The following NELFA variants were observed in gnomAD, a reference collection of about 807,000 sequenced individuals.
NELFA encodes the protein negative elongation factor complex member A.
NELFA carries 35 observed loss-of-function variants against 51.8 expected under a neutral mutation model. That is an observed-to-expected ratio of 0.68 (90% CI 0.52 to 0.90). The LOEUF is 0.90. Ranked by LOEUF, NELFA falls within the 40% of genes least tolerant of loss-of-function variation. NELFA has a pLI of 0.00. For missense variants in NELFA, 658 were observed against 746.4 expected (o/e 0.88, Z 1.38); for synonymous variants, 417 against 338.4 (o/e 1.23, Z -2.55).
chr4:1,990,358 C>T, intron 2 of NELFA: 1 of 456,920 alleles, frequency 2.2e-6, no homozygotes, highest in Non-Finnish European at 4.4e-6. Context: ...CGGTTCAGAT[C>T]CCAGAAACTG....
chr4:1,985,763 C>A lies in NELFA; in HGVS notation c.924+13G>T. On this transcript the variant is annotated intron_variant, in intron 7 of 10. Transcript: ENST00000382882. ...CAGTGGTGCCAGACATGGGGTGCAG[C>A]CCCGAGCCCTACCTGCGTGGACACC... The A allele has an allele frequency of 6.2e-7, 1 of 1,611,250 alleles. No individual in the cohort carries two copies. The highest frequency in any genetic ancestry group is 1.1e-5 in the South Asian group (1 of 90,932).
chr4:2,005,162 C>G (rs997618827), intron 1 of NELFA, among the ~76,000 whole-genome samples: 3 of 151,784 alleles, frequency 2.0e-5, no homozygotes, highest in African/African-American at 7.3e-5. Flanking sequence ...TACAAGTCTT[C>G]TAAGAAGAGA....
At chr4:2,005,738 T>C (rs559171919) in intron 1 of NELFA, among the ~76,000 whole-genome samples, 1 of 152,070 alleles carries the variant, frequency 6.6e-6, no homozygotes, top group Non-Finnish European at 1.5e-5. Context: ...AATCAACGCA[T>C]TTCTATATAC....
intron 1 of NELFA, chr4:1,991,976 A>T (rs899912545): frequency 2.3e-6 from 1 of 430,362 alleles, no homozygotes; most frequent in Non-Finnish European, 4.1e-6. Context: ...TCCCAGCAGC[A>T]CCCAGTCCAC....
At chr4:1,993,323 T>C (rs990866054) in intron 1 of NELFA, among the ~76,000 whole-genome samples, 2 of 152,182 alleles carry the variant, frequency 1.3e-5, no homozygotes, top group East Asian at 3.9e-4. Flanking sequence ...AGCTCATGTC[T>C]GTAGACCCCG....
chr4:1,986,993 G>C (rs370632670), intron 4 of NELFA, among the ~76,000 whole-genome samples: 4 of 152,264 alleles, frequency 2.6e-5, no homozygotes, highest in Admixed American at 1.3e-4. Context: ...GATGCCTGGT[G>C]GGGGTGGAAA....
chr4:2,008,531 G>A (rs1728774193), intron 1 of NELFA, among the ~76,000 whole-genome samples: 1 of 148,094 alleles, frequency 6.8e-6, no homozygotes, highest in South Asian at 2.2e-4. Flanking sequence ...TGGGAGATGA[G>A]GATCGAGGCG....
chr4:1,994,792 T>C (rs1363426909), intron 1 of NELFA, among the ~76,000 whole-genome samples: 1 of 151,012 alleles, frequency 6.6e-6, no homozygotes, highest in Non-Finnish European at 1.5e-5. Flanking sequence ...GAGGTGGAGC[T>C]TGCAGTGAGC....
intron 1 of NELFA, among the ~76,000 whole-genome samples, chr4:2,001,226 A>G (rs1039988133): frequency 1.3e-5 from 2 of 152,194 alleles, no homozygotes; most frequent in Non-Finnish European, 2.9e-5. Flanking sequence ...CTCTTTGAAA[A>G]CTGGTACAAG....
intron 3 of NELFA, 68 bp from the exon 4 acceptor site, chr4:1,988,075 C>T (rs1728163258): frequency 7.4e-6 from 10 of 1,349,562 alleles, no homozygotes; most frequent in Non-Finnish European, 9.3e-6. Context: ...GTAAAAACAT[C>T]TCTGTCAAGT....
Position 1,984,475 on chromosome 4 carries a change from G to C in NELFA, c.1036+333C>G, listed in dbSNP as rs538746916. 2.0e-5 allele frequency among the ~76,000 whole-genome samples: 3 copies of C among 152,230 alleles called. No individual in the cohort carries two copies. In the East Asian group the frequency reaches 5.8e-4, roughly 30 times the overall value. Reference sequence around the variant, plus strand: ...GCCTGGCAGTGCCCTCCGTCTGGGAGGGGATGGCTCTCAGCTCCCCTCCCG... The same window carrying C: ...GCCTGGCAGTGCCCTCCGTCTGGGACGGGATGGCTCTCAGCTCCCCTCCCG... On this transcript the variant is annotated intron_variant, in intron 8 of 10. Coordinates refer to ENST00000382882, the MANE Select transcript of NELFA (RefSeq NM_005663.5).
intron 8 of NELFA, 74 bp from the exon 9 acceptor site, chr4:1,984,187 G>A (rs965557392): frequency 2.1e-6 from 3 of 1,422,152 alleles, no homozygotes; most frequent in Non-Finnish European, 1.8e-6. Context: ...TCCTGGAGGT[G>A]ACAGGCTCAG....
At chr4:2,003,757 T>TA (rs1728635996) in intron 1 of NELFA, 1 of 151,468 alleles carries the variant, frequency 6.6e-6, no homozygotes, top group African/African-American at 2.4e-5. Flanking sequence ...GGAGGGAACT[T>TA]AAAGGACGGG....
intron 4 of NELFA, 39 bp from the exon 5 acceptor site, chr4:1,986,441 C>T (rs1165279986): frequency 1.2e-5 from 19 of 1,605,774 alleles, no homozygotes; most frequent in Non-Finnish European, 1.6e-5. Context: ...GCAGCAGTGA[C>T]CGGCAAACGT....
Position 1,984,024 on chromosome 4 carries a change from T to A in NELFA, c.1126A>T (p.Met376Leu), listed in dbSNP as rs772608553. The stretch of plus-strand genomic sequence containing the variant: ...GCAGGGCTCAGGCCGCTGTTGTACA[T>A]GGGCGCCCGCTGCTTGAACTGCGCT... ...LPAQFKQRAP[M>L]YNSGLSPATP... is the part of the protein sequence containing the mutation. The change falls in exon 9 of 11, where the codon ATG (methionine) becomes TTG (leucine). Residue 376 changes from methionine (M) to leucine (L), a missense_variant. By Grantham distance (15) the Met-to-Leu change is conservative. This residue lies in a region of NELFA where 200 missense variants were observed against 167.9 expected (regional missense o/e 1.19). Coordinates refer to ENST00000382882, the MANE Select transcript of NELFA (RefSeq NM_005663.5). 5 of 1,607,790 alleles carry A rather than the reference T, an allele frequency of 3.1e-6. No homozygotes were observed. Among genetic ancestry groups the A allele is most frequent in the Non-Finnish European group, 4.2e-6 (5 of 1,179,460 alleles).
chr4:1,988,917 GC>G (rs1403664429), intron 3 of NELFA, among the ~76,000 whole-genome samples: 2 of 149,990 alleles, frequency 1.3e-5, no homozygotes, highest in South Asian at 2.1e-4. Context: ...GATTAGAGAT[GC>G]CTTCACCTAA....
chr4:1,999,000 T>C (rs1728502865), intron 1 of NELFA, among the ~76,000 whole-genome samples: 1 of 152,166 alleles, frequency 6.6e-6, no homozygotes, highest in African/African-American at 2.4e-5. Context: ...ATATTCAACA[T>C]TCTTAAAGAA....
rs780120171 is a variant in NELFA, at chr4:2,008,887, C to G, written c.73G>C (p.Ala25Pro). 1.9e-6 allele frequency: 3 copies of G among 1,591,872 alleles called. No individual in the cohort carries two copies. In the Admixed American group the frequency reaches 5.4e-5, roughly 29 times the overall value. Residue 25 changes from alanine (A) to proline (P), a missense_variant, in exon 1 of 11, where the codon GCG becomes CCG. This residue lies in a region of NELFA where 371 missense variants were observed against 448.3 expected (regional missense o/e 0.83). Transcript: ENST00000382882. ...NKLGATDELW[A>P]PPSIASLLTA... ...AGCAGGGACGCGATGCTGGGCGGCG[C>G]CCACAGCTCGTCCGTGGCCCCCAGC... is the stretch of plus-strand genomic sequence containing the variant.
At chr4:2,008,025 G>A (rs752046431) in intron 1 of NELFA, 6 of 456,856 alleles carry the variant, frequency 1.3e-5, no homozygotes, top group South Asian at 6.2e-5. Context: ...AACGGACACA[G>A]AGCGCTCCGG....
Sources: allele counts gnomAD v4.1 joint callset (sites outside exome capture counted in the v4.1 genomes callset), GRCh38; gene constraint gnomAD v4.1.1; regional missense constraint gnomAD v4.1.1; transcripts MANE v1.5; gene names NCBI Gene and HGNC (gene_info 2026-07-23, HGNC 2026-07-21).